Variants in NPAS3 observed in about 807,000 individuals in gnomAD.
NPAS3 encodes the protein neuronal PAS domain protein 3.
NPAS3 carries 14 observed loss-of-function variants against 73.1 expected under a neutral mutation model. The observed-to-expected ratio is 0.19, with a 90% confidence interval of 0.13 to 0.30. NPAS3 has a LOEUF of 0.30. NPAS3 is among the 10% of genes least tolerant of loss of function. The probability of loss-of-function intolerance (pLI) is 1.00; values close to 1 mark genes in which losing one functional copy is unlikely to be tolerated. For synonymous variants in NPAS3, 620 were observed against 541.5 expected (o/e 1.14, Z -2.01); for missense variants, 1,096 against 1,250.0 (o/e 0.88, Z 1.86).
chr14:33,366,562 C>T (rs1486093552), intron 3 of NPAS3, among the ~76,000 whole-genome samples: 2 of 152,104 alleles, frequency 1.3e-5, no homozygotes, highest in Admixed American at 6.6e-5. Flanking sequence ...CAAGGATCTA[C>T]CTGGGCTTCT....
chr14:33,289,108 TAA>T (rs1409207472), intron 3 of NPAS3, among the ~76,000 whole-genome samples: 1 of 151,924 alleles, frequency 6.6e-6, no homozygotes, highest in Non-Finnish European at 1.5e-5. Flanking sequence ...GTACTGTGAT[TAA>T]GTGTTTCACA....
chr14:33,745,844 G>A (rs191163093), intron 7 of NPAS3, among the ~76,000 whole-genome samples: 38 of 152,254 alleles, frequency 2.5e-4, no homozygotes, highest in African/African-American at 7.9e-4. Context: ...ACTGAAATAC[G>A]TCATCTGTTC....
chr14:33,542,084 A>G (rs138446585), intron 4 of NPAS3, among the ~76,000 whole-genome samples: 231 of 152,288 alleles, frequency 1.5e-3, no homozygotes, highest in African/African-American at 5.2e-3. Flanking sequence ...GTATGAATGT[A>G]TATACATATT....
At chr14:33,712,807 C>T (rs2060858022) in intron 6 of NPAS3, among the ~76,000 whole-genome samples, 1 of 152,050 alleles carries the variant, frequency 6.6e-6, no homozygotes, top group South Asian at 2.1e-4. Flanking sequence ...GCAGTGCAGG[C>T]CATGGGTAAA....
chr14:33,372,928 A>G (rs2046154299), intron 4 of NPAS3, among the ~76,000 whole-genome samples: 2 of 152,202 alleles, frequency 1.3e-5, no homozygotes, highest in African/African-American at 4.8e-5. Context: ...GCTGCTTTCA[A>G]CGTTCTCTTA....
At chr14:33,058,118 T>C (rs1412918820) in intron 2 of NPAS3, among the ~76,000 whole-genome samples, 1 of 144,046 alleles carries the variant, frequency 6.9e-6, no homozygotes, top group African/African-American at 2.7e-5. Context: ...AAGATTGAAA[T>C]GTATTGTAAA....
At chr14:33,408,441 C>CT (rs529664372) in intron 4 of NPAS3, among the ~76,000 whole-genome samples, 25 of 149,326 alleles carry the variant, frequency 1.7e-4, no homozygotes, top group South Asian at 6.4e-4. Flanking sequence ...TAACTCTGTT[C>CT]TTTTTTTTTT....
chr14:32,940,541 C>T (rs2035947994), intron 1 of NPAS3, among the ~76,000 whole-genome samples: 1 of 152,216 alleles, frequency 6.6e-6, no homozygotes, highest in Admixed American at 6.5e-5. Flanking sequence ...AAGTATGAAA[C>T]GTCACCCACT....
intron 4 of NPAS3, among the ~76,000 whole-genome samples, chr14:33,472,520 T>A (rs973524135): frequency 2.6e-5 from 4 of 152,180 alleles, no homozygotes; most frequent in Admixed American, 2.6e-4. Context: ...TAACTGTCAT[T>A]TTTCTAACAG....
chr14:33,576,658 T>G (rs1458984026), intron 5 of NPAS3, among the ~76,000 whole-genome samples: 8 of 152,326 alleles, frequency 5.3e-5, no homozygotes, highest in South Asian at 2.1e-4. Context: ...TGTCCGATTT[T>G]CAGATGTTCA....
At chr14:33,255,198 G>T (rs922273260) in intron 3 of NPAS3, among the ~76,000 whole-genome samples, 5 of 152,094 alleles carry the variant, frequency 3.3e-5, no homozygotes, top group African/African-American at 1.2e-4. Context: ...CTTAAGGCTT[G>T]TCTTTACTTT....
At chr14:33,374,746 T>A (rs1175263976) in intron 4 of NPAS3, among the ~76,000 whole-genome samples, 1 of 151,722 alleles carries the variant, frequency 6.6e-6, no homozygotes, top group Non-Finnish European at 1.5e-5. Flanking sequence ...GATAGACACC[T>A]TCTTTAATCT....
intron 4 of NPAS3, among the ~76,000 whole-genome samples, chr14:33,556,299 A>G (rs1483627497): frequency 6.6e-6 from 1 of 152,232 alleles, no homozygotes; most frequent in African/African-American, 2.4e-5. Flanking sequence ...CAGAAATAGC[A>G]CTGGGTACTT....
chr14:32,981,290 A>G (rs1182022053), intron 1 of NPAS3, among the ~76,000 whole-genome samples: 1 of 152,228 alleles, frequency 6.6e-6, no homozygotes, highest in Non-Finnish European at 1.5e-5. Context: ...AATAAAAATG[A>G]TGATGATGAC....
intron 1 of NPAS3, among the ~76,000 whole-genome samples, chr14:32,980,356 C>T (rs1287819324): frequency 2.6e-5 from 4 of 152,140 alleles, no homozygotes; most frequent in African/African-American, 7.2e-5. Context: ...GAGGTACTAA[C>T]GCACTACATT....
At chr14:33,786,038 G>C (rs7153468) in intron 9 of NPAS3, among the ~76,000 whole-genome samples, 6 of 152,126 alleles carry the variant, frequency 3.9e-5, no homozygotes, top group Admixed American at 1.3e-4. Flanking sequence ...TCATAGTCCC[G>C]TGTGTCGAGT....
At chr14:32,953,407 T>A (rs2036561066) in intron 1 of NPAS3, among the ~76,000 whole-genome samples, 1 of 152,126 alleles carries the variant, frequency 6.6e-6, no homozygotes, top group Admixed American at 6.6e-5. Flanking sequence ...TCATACGAGG[T>A]CACAAAGACT....
At chr14:33,201,244 G>A (rs2063429648) in intron 2 of NPAS3, among the ~76,000 whole-genome samples, 1 of 151,772 alleles carries the variant, frequency 6.6e-6, no homozygotes, top group Non-Finnish European at 1.5e-5. Flanking sequence ...AATTGGTGAA[G>A]TTATAGCTAG....
intron 3 of NPAS3, among the ~76,000 whole-genome samples, chr14:33,310,977 T>A (rs1365732899): frequency 6.6e-6 from 1 of 152,162 alleles, no homozygotes; most frequent in African/African-American, 2.4e-5. Context: ...GATTTTGAAC[T>A]CACTGATGAA....
Sources: gnomAD v4.1 joint callset for allele counts (sites outside exome capture counted in the v4.1 genomes callset) on GRCh38, gnomAD v4.1.1 for gene constraint, MANE v1.5 for transcripts, NCBI Gene and HGNC (gene_info 2026-07-23, HGNC 2026-07-21) for gene names.